Variants in MTHFD1L observed in about 807,000 individuals in gnomAD.
MTHFD1L encodes the protein monofunctional C1-tetrahydrofolate synthase, mitochondrial.
In MTHFD1L, 81 loss-of-function variants were observed where a neutral mutation model predicts 119.5. The observed-to-expected ratio is 0.68, with a 90% CI of 0.57 to 0.82. The LOEUF is 0.82. Among genes scored for constraint, MTHFD1L ranks in the 40% least tolerant of loss-of-function variants. The pLI, the probability that MTHFD1L is intolerant of heterozygous loss-of-function variation, is 0.00. For missense variants in MTHFD1L, 1,125 were observed against 1,253.4 expected, an observed-to-expected ratio of 0.90 and a Z score of 1.55; for synonymous variants, 430 against 475.2, an observed-to-expected ratio of 0.90 and a Z score of 1.24.
intron 26 of MTHFD1L, among the ~76,000 whole-genome samples, chr6:151,045,699 C>A (rs1787899352): frequency 6.6e-6 from 1 of 152,150 alleles, no homozygotes; most frequent in African/African-American, 2.4e-5. Context: ...GTTTCCTCCT[C>A]CCCTCCCAGC....
In MTHFD1L at chr6:151,015,665, G is replaced by C. The variant is rs1213012245; in HGVS notation, c.2558G>C (p.Ser853Thr). 1 of 1,613,986 alleles carries C rather than the reference G, an allele frequency of 6.2e-7. No individual in the cohort carries two copies. Among genetic ancestry groups the C allele is most frequent in the Non-Finnish European group, 8.5e-7 (1 of 1,179,978 alleles). Residue 853 changes from serine (S) to threonine (T), a missense_variant, in exon 24 of 28, where the codon AGC becomes ACC. By Grantham distance (58) the Ser-to-Thr change is moderately conservative. This residue lies in a region of MTHFD1L where 1,058 missense variants were observed against 1,151.2 expected (regional missense o/e 0.92). Transcript: ENST00000367321. The part of the protein sequence containing the change: ...RAVREAASKR[S>T]RFQFLYDVQV... ...GTGAGAGAGGCTGCGAGTAAAAGAA[G>C]CCGATTCCAGTTCCTGTATGATGTT...
At chr6:151,080,115 T>C (rs1329742857) in intron 26 of MTHFD1L, among the ~76,000 whole-genome samples, 1 of 151,810 alleles carries the variant, frequency 6.6e-6, no homozygotes, top group Non-Finnish European at 1.5e-5. Flanking sequence ...GAGGTGGAGA[T>C]TTCAGTGAGC....
chr6:150,997,367 T>A (rs1284743358), intron 20 of MTHFD1L, among the ~76,000 whole-genome samples: 2 of 149,140 alleles, frequency 1.3e-5, no homozygotes, highest in African/African-American at 4.9e-5. Flanking sequence ...TTACTTCATT[T>A]GTTTTCATGC....
chr6:150,900,574 G>A (rs188984116), intron 7 of MTHFD1L, among the ~76,000 whole-genome samples: 3 of 152,176 alleles, frequency 2.0e-5, no homozygotes, highest in Non-Finnish European at 2.9e-5. Context: ...TCCTGCAGAC[G>A]CCTCCTCCAG....
chr6:150,897,224 G>A (rs886885285), intron 7 of MTHFD1L, among the ~76,000 whole-genome samples: 5 of 152,220 alleles, frequency 3.3e-5, no homozygotes, highest in Admixed American at 6.5e-5. Context: ...ATGTATTGTC[G>A]TTATATCAAA....
chr6:150,916,562 C>T (rs1166059204), intron 8 of MTHFD1L, among the ~76,000 whole-genome samples: 2 of 141,058 alleles, frequency 1.4e-5, no homozygotes, highest in African/African-American at 5.4e-5. Flanking sequence ...CTCCTGACCT[C>T]AGGTGATCCA....
intron 26 of MTHFD1L, among the ~76,000 whole-genome samples, chr6:151,062,264 G>A (rs780848392): frequency 2.0e-4 from 31 of 152,034 alleles, no homozygotes; most frequent in African/African-American, 6.8e-4. Context: ...ATGAAACCCC[G>A]TCTCTACTAA....
At position 150,866,459 on chromosome 6, in the gene MTHFD1L, C is replaced by T. The variant is rs796273193; in HGVS notation, c.227+410C>T. 11 of 1,321,178 alleles carry T rather than the reference C, an allele frequency of 8.3e-6. 1 individual carries two copies. In the African/African-American group the frequency reaches 1.4e-4, roughly 17 times the overall value. The allele number at this position is 1,321,178 out of a possible 1,614,324, so 81.8% of individuals were successfully genotyped here. A position where few individuals can be genotyped will look rare whatever the true frequency, so the allele number is the denominator to read the frequency against. On this transcript the variant is annotated intron_variant, in intron 1 of 27. Coordinates refer to ENST00000367321, the MANE Select transcript of MTHFD1L (RefSeq NM_015440.5). The stretch of plus-strand genomic sequence containing the variant: ...GAGCAGGAGGAGGGCGGGGCTGCGG[C>T]TCGGCGCGCCGGCTGGCCCGGGGTT...
intron 26 of MTHFD1L, among the ~76,000 whole-genome samples, chr6:151,053,785 G>A (rs975262498): frequency 5.3e-5 from 8 of 151,608 alleles, no homozygotes; most frequent in East Asian, 1.9e-4. Context: ...TCTTGAACCC[G>A]GGAGGTGGAG....
chr6:150,965,097 A>G, intron 19 of MTHFD1L, 60 bp downstream of exon 19: 1 of 1,481,510 alleles, frequency 6.7e-7, no homozygotes, highest in Non-Finnish European at 9.4e-7. Context: ...CACAATGTGA[A>G]CATTTTTAGC....
intron 24 of MTHFD1L, among the ~76,000 whole-genome samples, chr6:151,030,385 C>T (rs943630577): frequency 6.6e-6 from 1 of 152,134 alleles, no homozygotes; most frequent in Non-Finnish European, 1.5e-5. Flanking sequence ...TTCTACTGCC[C>T]GGAGAACACA....
intron 2 of MTHFD1L, among the ~76,000 whole-genome samples, chr6:150,877,212 CG>C (rs1780592313): frequency 6.6e-6 from 1 of 152,054 alleles, no homozygotes; most frequent in African/African-American, 2.4e-5. Context: ...ACCATCACGC[CG>C]GGCTAATGTT....
intron 14 of MTHFD1L, 84 bp downstream of exon 14, chr6:150,944,677 G>A: frequency 2.0e-6 from 2 of 980,856 alleles, no homozygotes; most frequent in Non-Finnish European, 3.1e-6. Context: ...AAGAATTCTG[G>A]TGTCTGCAAA....
At chr6:150,919,795 A>G (rs1382334970) in intron 9 of MTHFD1L, among the ~76,000 whole-genome samples, 1 of 152,172 alleles carries the variant, frequency 6.6e-6, no homozygotes, top group Non-Finnish European at 1.5e-5. Context: ...ACCCTCCACC[A>G]GGCCCCACCT....
In MTHFD1L at chr6:150,926,720, C is replaced by G. The variant is rs1350578153; in HGVS notation, c.1256+425C>G. On this transcript the variant is annotated intron_variant, in intron 11 of 27. Transcript: ENST00000367321. This position sits in a 1 kb window ranked among gnomAD's most constrained non-coding sequence, Gnocchi z 4.3. ...TGAAACATGTTTTCCTGTTAATATC[C>G]TTGATCTTACCTACATATTCACATT... Among the ~76,000 whole-genome samples the G allele has an allele frequency of 6.6e-6, 1 of 152,058 alleles. No individual in the cohort carries two copies. The highest frequency in any genetic ancestry group is 1.5e-5 in the Non-Finnish European group (1 of 68,016).
At chr6:150,928,959 C>T (rs1790530665) in intron 11 of MTHFD1L, among the ~76,000 whole-genome samples, 2 of 152,198 alleles carry the variant, frequency 1.3e-5, no homozygotes. Flanking sequence ...TGGCTTCACC[C>T]TTCTCCCGCA....
chr6:150,866,938 T>A (rs1020965130), intron 1 of MTHFD1L, among the ~76,000 whole-genome samples: 1 of 152,164 alleles, frequency 6.6e-6, no homozygotes, highest in African/African-American at 2.4e-5. Flanking sequence ...GGAACTGGGA[T>A]TAGGAACGAG....
At chr6:150,967,116 CCA>C (rs1491064687) in intron 19 of MTHFD1L, among the ~76,000 whole-genome samples, 3 of 117,862 alleles carry the variant, frequency 2.5e-5, no homozygotes, top group Non-Finnish European at 6.4e-5. Flanking sequence ...CCTCCTGCCC[CCA>C]CCTGCATCCT....
chr6:150,984,098 C>T (rs1267971674), intron 20 of MTHFD1L, among the ~76,000 whole-genome samples: 3 of 152,176 alleles, frequency 2.0e-5, no homozygotes, highest in Non-Finnish European at 4.4e-5. Flanking sequence ...TGGTCAAATT[C>T]TACATTGTCT....
Sources: allele counts gnomAD v4.1 joint callset (sites outside exome capture counted in the v4.1 genomes callset), GRCh38; gene constraint gnomAD v4.1.1; regional missense constraint gnomAD v4.1.1; non-coding constraint Gnocchi (gnomAD v3.1); transcripts MANE v1.5; gene names NCBI Gene and HGNC (gene_info 2026-07-23, HGNC 2026-07-21).